BRINP3: variants seen among roughly 807,000 people sequenced by gnomAD.
BRINP3 encodes the protein BMP/retinoic acid-inducible neural-specific protein 3.
In BRINP3, 19 loss-of-function variants were observed where a neutral mutation model predicts 71.0. The observed-to-expected ratio is 0.27, with a 90% CI of 0.19 to 0.39. BRINP3 has a LOEUF of 0.39. Among genes scored for constraint, BRINP3 ranks in the 10% least tolerant of loss-of-function variants. The pLI is 1.00. For missense variants in BRINP3, 959 were observed against 940.8 expected (o/e 1.02, Z -0.25); for synonymous variants, 380 against 337.7 (o/e 1.13, Z -1.37).
At chr1:190,214,297 C>G (rs1656224981) in intron 6 of BRINP3, among the ~76,000 whole-genome samples, 1 of 152,164 alleles carries the variant, frequency 6.6e-6, no homozygotes, top group South Asian at 2.1e-4. Flanking sequence ...GCTTTTGGTT[C>G]ATGACTTGAT....
At chr1:190,163,314 C>T (rs1651182556) in intron 6 of BRINP3, among the ~76,000 whole-genome samples, 1 of 151,788 alleles carries the variant, frequency 6.6e-6, no homozygotes, top group African/African-American at 2.4e-5. Flanking sequence ...ACACAACAGC[C>T]CTACTTTTGG....
intron 4 of BRINP3, among the ~76,000 whole-genome samples, chr1:190,244,858 C>A (rs1659439449): frequency 6.6e-6 from 1 of 151,950 alleles, no homozygotes; most frequent in Non-Finnish European, 1.5e-5. Flanking sequence ...ATACTTCTAT[C>A]AAAAATTTTC....
At chr1:190,173,557 G>A (rs755904273) in intron 6 of BRINP3, among the ~76,000 whole-genome samples, 1 of 152,104 alleles carries the variant, frequency 6.6e-6, no homozygotes, top group Non-Finnish European at 1.5e-5. Context: ...CATTGAAAAT[G>A]AGAAATAAAG....
At chr1:190,197,381 A>G (rs1323875256) in intron 6 of BRINP3, among the ~76,000 whole-genome samples, 3 of 152,108 alleles carry the variant, frequency 2.0e-5, no homozygotes, top group African/African-American at 7.2e-5. Flanking sequence ...AGTCATAACT[A>G]ATTTCAGCAT....
At chr1:190,302,648 G>C (rs939956337) in intron 2 of BRINP3, 22 of 151,680 alleles carry the variant, frequency 1.5e-4, no homozygotes, top group Non-Finnish European at 2.4e-4. Flanking sequence ...TGCAGTACAT[G>C]CACCATGGCT....
At chr1:190,213,426 G>T (rs1571380052) in intron 6 of BRINP3, among the ~76,000 whole-genome samples, 1 of 151,982 alleles carries the variant, frequency 6.6e-6, no homozygotes, top group African/African-American at 2.4e-5. Flanking sequence ...TTACTTGTCT[G>T]ACATACGACC....
At chr1:190,230,987 C>A (rs970829289) in intron 5 of BRINP3, among the ~76,000 whole-genome samples, 3 of 151,144 alleles carry the variant, frequency 2.0e-5, no homozygotes, top group African/African-American at 7.3e-5. Context: ...TATTAATTAT[C>A]ATATAGTATA....
In BRINP3 at chr1:190,234,410, A is replaced by G. The variant is rs1658319026; in HGVS notation, c.686T>C (p.Val229Ala). The change falls in exon 5 of 8, where the codon GTT becomes GCT. Residue 229 changes from valine (V) to alanine (A), a missense_variant. Coordinates refer to ENST00000367462, the MANE Select transcript of BRINP3 (RefSeq NM_199051.3). ...NYDNLDSVSS[V>A]LVQSPENKIQ... ...CTTATTCTCAGGACTCTGAACCAGA[A>G]CAGAACTGACAGAATCTAGGTTGTC... 1.9e-6 allele frequency: 3 copies of G among 1,612,792 alleles called. No homozygotes were observed. The highest frequency in any genetic ancestry group is 2.5e-6 in the Non-Finnish European group (3 of 1,179,254).
Position 190,434,116 on chromosome 1 carries a change from TTTTA to T in BRINP3, c.236+20535_236+20538del, listed in dbSNP as rs1000940670. ...AAGAAATGGTTATTTATTTATTTAT[TTTTA>T]TTTATTTATTTATTTTGAGATGAAG... On this transcript the variant is annotated intron_variant, in intron 2 of 7. Transcript: ENST00000367462. Among the ~76,000 whole-genome samples, 4 of 148,136 alleles carry T rather than the reference TTTTA, an allele frequency of 2.7e-5. No homozygotes were observed. In the South Asian group the frequency reaches 6.3e-4, roughly 23 times the overall value.
At chr1:190,369,070 T>A (rs11584718) in intron 2 of BRINP3, among the ~76,000 whole-genome samples, 30,750 of 152,006 alleles carry the variant, frequency 0.2, 3,455 homozygotes, top group African/African-American at 0.3. Context: ...GAACTACAAT[T>A]CAAAATGAGA....
At chr1:190,464,237 G>A (rs189944047) in intron 1 of BRINP3, among the ~76,000 whole-genome samples, 83 of 151,742 alleles carry the variant, frequency 5.5e-4, no homozygotes, top group Middle Eastern at 6.8e-3. Context: ...TTTATCTAAT[G>A]AGGGGCTACA....
intron 2 of BRINP3, among the ~76,000 whole-genome samples, chr1:190,408,019 C>CTTTTTTTTTTT (rs34343187): frequency 1.1e-4 from 11 of 99,782 alleles, no homozygotes; most frequent in East Asian, 3.2e-4. Flanking sequence ...CTACATTTGT[C>CTTTTTTTTTTT]TTTTTTTTTT....
chr1:190,470,599 A>G (rs1677071195), intron 1 of BRINP3, among the ~76,000 whole-genome samples: 1 of 151,150 alleles, frequency 6.6e-6, no homozygotes, highest in South Asian at 2.1e-4. Context: ...CTAAACTTGA[A>G]CAATAAAACA....
chr1:190,414,759 G>A (rs562471345), intron 2 of BRINP3, among the ~76,000 whole-genome samples: 1 of 152,158 alleles, frequency 6.6e-6, no homozygotes, highest in Non-Finnish European at 1.5e-5. Context: ...CTAAGGCAGA[G>A]GGAGATTAAT....
Position 190,332,044 on chromosome 1 carries a change from A to G in BRINP3, c.237-50294T>C, listed in dbSNP as rs188675932. The stretch of plus-strand genomic sequence containing the variant: ...ACTATTTGAATCTAATTTTTTGTTA[A>G]TCTGGCCATTTACAATAAGACAAAC... On this transcript the variant is annotated intron_variant, in intron 2 of 7. Transcript: ENST00000367462. Among the ~76,000 whole-genome samples, 631 of 152,102 alleles carry G rather than the reference A, an allele frequency of 4.1e-3. 3 individuals carry two copies. Among genetic ancestry groups the G allele is most frequent in the Non-Finnish European group, 5.5e-3 (375 of 67,958 alleles).
intron 7 of BRINP3, among the ~76,000 whole-genome samples, chr1:190,127,946 G>T (rs1157057703): frequency 6.6e-6 from 1 of 151,748 alleles, no homozygotes; most frequent in Non-Finnish European, 1.5e-5. Flanking sequence ...CAATAGGATA[G>T]GGAAAGAAAA....
At chr1:190,472,980 G>T (rs1187522604) in intron 1 of BRINP3, among the ~76,000 whole-genome samples, 3 of 151,742 alleles carry the variant, frequency 2.0e-5, no homozygotes, top group Non-Finnish European at 4.4e-5. Context: ...CTTAAGATAA[G>T]ATATCCTATG....
intron 2 of BRINP3, among the ~76,000 whole-genome samples, chr1:190,378,870 C>A (rs571510276): frequency 6.6e-6 from 1 of 152,254 alleles, no homozygotes; most frequent in African/African-American, 2.4e-5. Context: ...CGGCATCTAT[C>A]TGAGCTGTTC....
rs549986354 is a variant in BRINP3, at chr1:190,330,193, TA to T, written c.237-48444del. On this transcript the variant is annotated intron_variant, in intron 2 of 7. Transcript: ENST00000367462. ...TAAAATAAACGATCAACAGAATAAA[TA>T]AAAAAACTACAGAATGAGAGAAAAT... 7.7e-4 allele frequency among the ~76,000 whole-genome samples: 116 copies of T among 151,162 alleles called. 1 individual carries two copies. The highest frequency in any genetic ancestry group is 1.2e-3 in the Non-Finnish European group (84 of 67,700).
Sources: allele counts gnomAD v4.1 joint callset (sites outside exome capture counted in the v4.1 genomes callset), GRCh38; gene constraint gnomAD v4.1.1; transcripts MANE v1.5; gene names NCBI Gene and HGNC (gene_info 2026-07-23, HGNC 2026-07-21).